WWOX: variants seen among roughly 807,000 people sequenced by gnomAD.
WWOX encodes the protein WW domain-containing oxidoreductase.
A neutral mutation model predicts 46.2 loss-of-function variants in WWOX; 69 were observed. The observed-to-expected ratio is 1.49, with a 90% CI of 1.23 to 1.82. The LOEUF (loss-of-function observed/expected upper bound fraction) is 1.82, where lower values mean the gene tolerates loss of function less well. WWOX is among the 40% of genes most tolerant of loss of function. WWOX has a pLI of 0.00. For missense variants in WWOX, 919 were observed against 542.6 expected, an observed-to-expected ratio of 1.69 and a Z score of -6.89; for synonymous variants, 359 against 202.6, an observed-to-expected ratio of 1.77 and a Z score of -6.56.
intron 5 of WWOX, among the ~76,000 whole-genome samples, chr16:78,243,128 G>A (rs1354380944): frequency 2.0e-5 from 3 of 152,062 alleles, no homozygotes. Context: ...GCATTTTAAA[G>A]TTTGGAAGCC....
At chr16:79,142,089 CCTTA>C (rs754143333) in intron 8 of WWOX, among the ~76,000 whole-genome samples, 2 of 152,116 alleles carry the variant, frequency 1.3e-5, no homozygotes, top group African/African-American at 2.4e-5. Context: ...CATCTCCTGC[CCTTA>C]CTTCTTCCTG....
intron 8 of WWOX, chr16:78,552,152 T>A (rs2044189544): frequency 6.6e-6 from 1 of 152,208 alleles, no homozygotes; most frequent in South Asian, 2.1e-4. Context: ...GGACCCAGAA[T>A]TTCACATGCA....
intron 8 of WWOX, among the ~76,000 whole-genome samples, chr16:78,499,228 G>A (rs961554606): frequency 1.3e-5 from 2 of 151,786 alleles, no homozygotes; most frequent in Non-Finnish European, 2.9e-5. Context: ...GCTTTGCTTT[G>A]GGGGGGTGAG....
chr16:78,236,235 GTGTTC>G (rs1157304750), intron 5 of WWOX, among the ~76,000 whole-genome samples: 1 of 152,212 alleles, frequency 6.6e-6, no homozygotes, highest in African/African-American at 2.4e-5. Context: ...CACTGTCAAT[GTGTTC>G]TATGACATCA....
chr16:78,719,556 A>C (rs924927677), intron 8 of WWOX, among the ~76,000 whole-genome samples: 1 of 152,216 alleles, frequency 6.6e-6, no homozygotes, highest in Admixed American at 6.5e-5. Context: ...AAGAAGGAGA[A>C]GGGGGACTTT....
intron 5 of WWOX, among the ~76,000 whole-genome samples, chr16:78,322,060 G>T (rs1460439459): frequency 6.6e-6 from 1 of 152,040 alleles, no homozygotes; most frequent in Admixed American, 6.5e-5. Flanking sequence ...TAAATATTTG[G>T]CTCCTAGTTG....
chr16:79,166,690 C>T (rs569399982), intron 8 of WWOX, among the ~76,000 whole-genome samples: 3 of 152,214 alleles, frequency 2.0e-5, no homozygotes, highest in African/African-American at 7.2e-5. Flanking sequence ...CACATGGTGA[C>T]TACTGTCCCT....
chr16:78,546,049 C>A (rs572348013), intron 8 of WWOX, among the ~76,000 whole-genome samples: 1 of 152,236 alleles, frequency 6.6e-6, no homozygotes, highest in African/African-American at 2.4e-5. Context: ...CTATGCTGGG[C>A]ACAAGGAATG....
At chr16:78,254,499 C>CTTTTTTTTTTTTT (rs1597405923) in intron 5 of WWOX, among the ~76,000 whole-genome samples, 2 of 52,138 alleles carry the variant, frequency 3.8e-5, no homozygotes, top group African/African-American at 1.2e-4. Context: ...TCTTTTCTTT[C>CTTTTTTTTTTTTT]TTGTTTTTTT....
intron 8 of WWOX, among the ~76,000 whole-genome samples, chr16:78,901,767 G>C (rs1339071254): frequency 6.6e-6 from 1 of 152,240 alleles, no homozygotes; most frequent in Non-Finnish European, 1.5e-5. Context: ...GGGATTACAG[G>C]CGTGAGCCAC....
rs2050933395 is a variant in WWOX, at chr16:78,802,944, A to AAAAAAAAAAAG, written c.1056+370193_1056+370194insAAAAAAAAAGA. On this transcript the variant is annotated intron_variant, in intron 8 of 8. Coordinates refer to ENST00000566780, the MANE Select transcript of WWOX (RefSeq NM_016373.4). ...AAAAAAAAAAAAAAAAAAAAAAAAC[A>AAAAAAAAAAAG]ACAAACAGAAAAATGAACGAGTGAG... 9.7e-5 allele frequency among the ~76,000 whole-genome samples: 2 copies of AAAAAAAAAAAG among 20,606 alleles called. 1 individual carries two copies. The highest frequency in any genetic ancestry group is 3.1e-4 in the African/African-American group (2 of 6,444). The allele number at this position is 20,606 out of a possible 152,430, so 13.5% of individuals were successfully genotyped here.
chr16:78,470,866 C>G (rs1385991537), intron 8 of WWOX, among the ~76,000 whole-genome samples: 1 of 152,118 alleles, frequency 6.6e-6, no homozygotes, highest in Non-Finnish European at 1.5e-5. Flanking sequence ...GTGGTAGGTA[C>G]CTTTGCCTAC....
chr16:79,018,557 C>G (rs9932373), intron 8 of WWOX, among the ~76,000 whole-genome samples: 12,320 of 152,068 alleles, frequency 0.081, 767 homozygotes, highest in African/African-American at 0.17. Context: ...GGGGAGTGGG[C>G]TGTCTGTATT....
intron 8 of WWOX, among the ~76,000 whole-genome samples, chr16:79,176,340 C>T (rs1273963083): frequency 2.0e-5 from 3 of 152,208 alleles, no homozygotes; most frequent in Admixed American, 2.0e-4. Flanking sequence ...TCTGGTATTT[C>T]TTACCAGCCT....
intron 8 of WWOX, among the ~76,000 whole-genome samples, chr16:79,033,660 A>C (rs555214671): frequency 6.6e-6 from 1 of 152,108 alleles, no homozygotes; most frequent in African/African-American, 2.4e-5. Context: ...CCATCTCCAG[A>C]ATGATTTTCA....
rs567620194 is a variant in WWOX at position 78,775,514 on chromosome 16, G to T, written c.1056+342762G>T. Among the ~76,000 whole-genome samples, 12 of 152,210 alleles carry T rather than the reference G, an allele frequency of 7.9e-5. No homozygotes were observed. In the South Asian group the frequency reaches 2.5e-3, roughly 32 times the overall value. On this transcript the variant is annotated intron_variant, in intron 8 of 8. Transcript: ENST00000566780. ...AGAAGTCACTGTAGCGCCCTCCGGG[G>T]GGTGGGGTATCAAGGGAGAGTATGG...
intron 8 of WWOX, among the ~76,000 whole-genome samples, chr16:78,925,857 T>C (rs1388801475): frequency 1.3e-5 from 2 of 152,164 alleles, no homozygotes; most frequent in East Asian, 3.9e-4. Context: ...CAGGATTTGG[T>C]CATTTCTTGG....
intron 4 of WWOX, chr16:78,124,234 A>G (rs1597233648): frequency 6.6e-6 from 1 of 152,168 alleles, no homozygotes; most frequent in Admixed American, 6.5e-5. Flanking sequence ...CATTGTGAAT[A>G]TACTTGTAAC....
intron 8 of WWOX, among the ~76,000 whole-genome samples, chr16:79,047,614 C>T (rs1392565391): frequency 6.7e-6 from 1 of 148,470 alleles, no homozygotes; most frequent in Admixed American, 6.7e-5. Flanking sequence ...TAACACAAAT[C>T]GATTCCCTTA....
Sources: allele counts gnomAD v4.1 joint callset (sites outside exome capture counted in the v4.1 genomes callset), GRCh38; gene constraint gnomAD v4.1.1; transcripts MANE v1.5; gene names NCBI Gene and HGNC (gene_info 2026-07-23, HGNC 2026-07-21).